Variants in PCDHGA5 observed in about 807,000 individuals in gnomAD.
PCDHGA5 encodes protocadherin gamma-A5.
PCDHGA5 carries 36 observed loss-of-function variants against 56.7 expected under a neutral mutation model. The observed-to-expected ratio is 0.64, with a 90% CI of 0.49 to 0.84. The LOEUF is 0.84. Ranked by LOEUF, PCDHGA5 falls within the 40% of genes least tolerant of loss-of-function variation. The pLI is 0.00. For missense variants in PCDHGA5, 1,305 were observed against 1,201.5 expected (o/e 1.09, Z -1.27); for synonymous variants, 563 against 520.2 (o/e 1.08, Z -1.12).
intron 1 of PCDHGA5, among the ~76,000 whole-genome samples, chr5:141,481,039 C>T (rs748434260): frequency 4.6e-5 from 7 of 152,048 alleles, no homozygotes; most frequent in Non-Finnish European, 8.8e-5. Flanking sequence ...GCCTGGGCGA[C>T]AGAGCGAGAC....
At chr5:141,419,529 A>G (rs2096395609) in intron 1 of PCDHGA5, 2 of 1,612,082 alleles carry the variant, frequency 1.2e-6, no homozygotes, top group Non-Finnish European at 1.7e-6. Context: ...GACCGTAACG[A>G]CAACGCACCG....
intron 1 of PCDHGA5, among the ~76,000 whole-genome samples, chr5:141,482,498 T>G (rs1226516612): frequency 1.5e-5 from 2 of 135,390 alleles, no homozygotes; most frequent in African/African-American, 3.0e-5. Context: ...GTTATCATTC[T>G]GGTACCCAGA....
chr5:141,374,464 T>C, intron 1 of PCDHGA5: 1 of 1,613,434 alleles, frequency 6.2e-7, no homozygotes, highest in Non-Finnish European at 8.5e-7. Flanking sequence ...TGGACATTAA[T>C]GACAATACAC....
At chr5:141,506,865 G>T (rs1403350484) in intron 3 of PCDHGA5, among the ~76,000 whole-genome samples, 1 of 152,186 alleles carries the variant, frequency 6.6e-6, no homozygotes, top group African/African-American at 2.4e-5. Flanking sequence ...GGACTGGTGG[G>T]TAGAGAACCA....
In PCDHGA5 at chr5:141,432,373, G is replaced by T; in HGVS notation, c.2422-62434G>T. ...TGAAAGTGATGGCGCGGGACAACGG[G>T]CACCCGCCCCTCAGCAGCAACGTGT... is the stretch of plus-strand genomic sequence containing the variant. On this transcript the variant is annotated intron_variant, in intron 1 of 3. Coordinates refer to ENST00000518069, the MANE Select transcript of PCDHGA5 (RefSeq NM_018918.3). This position sits in a 1 kb window ranked among gnomAD's most constrained non-coding sequence, Gnocchi z 6.0. The T allele has an allele frequency of 6.2e-7, 1 of 1,614,206 alleles. No homozygotes were observed. The highest frequency in any genetic ancestry group is 1.1e-5 in the South Asian group (1 of 91,082).
chr5:141,393,110 C>T, intron 1 of PCDHGA5: 10 of 1,613,496 alleles, frequency 6.2e-6, no homozygotes, highest in Non-Finnish European at 8.5e-6. Flanking sequence ...GCGCTCAGAG[C>T]CCGCGGTGTC....
chr5:141,400,212 C>G (rs773459521), intron 1 of PCDHGA5: 4 of 1,614,058 alleles, frequency 2.5e-6, no homozygotes, highest in Non-Finnish European at 3.4e-6. Context: ...TGGCCTTGAT[C>G]TCAGTGCTCT....
At position 141,490,788 on chromosome 5, in the gene PCDHGA5, C is replaced by G. The variant is rs2099704332; in HGVS notation, c.2422-4019C>G. ...ATGTCAACCCAGAGGATGGACGGAT[C>G]TTTGCCCAGCGTACCTTTGACTATG... On this transcript the variant is annotated intron_variant, in intron 1 of 3. Coordinates refer to ENST00000518069, the MANE Select transcript of PCDHGA5 (RefSeq NM_018918.3). The surrounding 1 kb of genome is among the most constrained non-coding windows in gnomAD (Gnocchi z 5.4). 6.2e-7 allele frequency: 1 copy of G among 1,613,918 alleles called. No homozygotes were observed. The highest frequency in any genetic ancestry group is 1.1e-5 in the South Asian group (1 of 91,084).
rs1348847945 is a variant in PCDHGA5, at chr5:141,493,426, C to G, written c.2422-1381C>G. ...TGCCTCTGCTGGGATTTTGCTTCTG[C>G]TGGGATGGGGCAAGGGTGGGGTTCC... On this transcript the variant is annotated intron_variant, in intron 1 of 3. Transcript: ENST00000518069. The surrounding 1 kb of genome is among the most constrained non-coding windows in gnomAD (Gnocchi z 4.3). Among the ~76,000 whole-genome samples, 2 of 152,144 alleles carry G rather than the reference C, an allele frequency of 1.3e-5. No homozygotes were observed. The highest frequency in any genetic ancestry group is 4.8e-5 in the African/African-American group (2 of 41,424).
intron 1 of PCDHGA5, chr5:141,383,390 C>A: frequency 6.2e-7 from 1 of 1,614,006 alleles, no homozygotes; most frequent in South Asian, 1.1e-5. Flanking sequence ...GATGTGGGCA[C>A]GAACTCCCTC....
chr5:141,494,234 A>G (rs1299510042), intron 1 of PCDHGA5, among the ~76,000 whole-genome samples: 1 of 152,138 alleles, frequency 6.6e-6, no homozygotes, highest in Non-Finnish European at 1.5e-5. Context: ...CTAAATTAAT[A>G]ATGTATTTAG....
chr5:141,408,338 G>C, intron 1 of PCDHGA5: 1 of 1,613,958 alleles, frequency 6.2e-7, no homozygotes, highest in Non-Finnish European at 8.5e-7. Context: ...CAAGGGCTCG[G>C]TGGTGGGGAA....
Position 141,491,265 on chromosome 5 carries a change from CA to C in PCDHGA5, c.2422-3539del. ...AGGATGAGGACCCTGAGGAAATGCC[CA>C]AATCCAGTGACTTCCTCATACACCC... On this transcript the variant is annotated intron_variant, in intron 1 of 3. Coordinates refer to ENST00000518069, the MANE Select transcript of PCDHGA5 (RefSeq NM_018918.3). This position sits in a 1 kb window ranked among gnomAD's most constrained non-coding sequence, Gnocchi z 6.9. 1 of 1,614,074 alleles carries C rather than the reference CA, an allele frequency of 6.2e-7. No individual in the cohort carries two copies.
rs1227250624 is a variant in PCDHGA5, at chr5:141,409,019, G to A, written c.2421+42268G>A. 4 of 1,613,996 alleles carry A rather than the reference G, an allele frequency of 2.5e-6. 1 individual carries two copies. Among genetic ancestry groups the A allele is most frequent in the Middle Eastern group, 3.3e-4 (2 of 6,062 alleles). On this transcript the variant is annotated intron_variant, in intron 1 of 3. Coordinates refer to ENST00000518069, the MANE Select transcript of PCDHGA5 (RefSeq NM_018918.3). ...GACAGCCACTGACCAGGATGAGGGG[G>A]TCAATGCTGAGATAAACTACTACTT...
In PCDHGA5 at chr5:141,432,677, C is replaced by T. The variant is rs1241190176; in HGVS notation, c.2422-62130C>T. On this transcript the variant is annotated intron_variant, in intron 1 of 3. Transcript: ENST00000518069. This position sits in a 1 kb window ranked among gnomAD's most constrained non-coding sequence, Gnocchi z 6.0. ...CCTGCTGGACAGAGACGCGCTCAAGCAGAGCCTCGTAGTGGCCGTCCAGGA... is the reference window on the plus strand; with the variant it reads ...CCTGCTGGACAGAGACGCGCTCAAGTAGAGCCTCGTAGTGGCCGTCCAGGA... The T allele has an allele frequency of 1.2e-6, 2 of 1,613,942 alleles. No individual in the cohort carries two copies. The highest frequency in any genetic ancestry group is 1.1e-5 in the South Asian group (1 of 91,076).
At chr5:141,381,974 C>T (rs1049134937) in intron 1 of PCDHGA5, among the ~76,000 whole-genome samples, 18 of 151,606 alleles carry the variant, frequency 1.2e-4, no homozygotes, top group Admixed American at 5.9e-4. Flanking sequence ...GGATTACAGG[C>T]GCGCGCCACC....
intron 1 of PCDHGA5, chr5:141,383,672 G>A: frequency 6.2e-7 from 1 of 1,614,030 alleles, no homozygotes; most frequent in Non-Finnish European, 8.5e-7. Flanking sequence ...GTGCCAGTGG[G>A]TACAAGACTG....
chr5:141,415,740 G>GTTTTTTTTTTTTTTTTTTTTTTTTTT, intron 1 of PCDHGA5: 11 of 617,992 alleles, frequency 1.8e-5, no homozygotes, highest in Middle Eastern at 5.6e-4. Context: ...GTTTATTAAG[G>GTTTTTTTTTTTTTTTTTTTTTTTTTT]TTTTTTTTTT....
At chr5:141,380,410 C>T (rs1776475585) in intron 1 of PCDHGA5, among the ~76,000 whole-genome samples, 1 of 151,998 alleles carries the variant, frequency 6.6e-6, no homozygotes, top group Non-Finnish European at 1.5e-5. Flanking sequence ...AATTCGATGC[C>T]CAGGAAGCCA....
Sources: gnomAD v4.1 joint callset for allele counts (sites outside exome capture counted in the v4.1 genomes callset) on GRCh38, gnomAD v4.1.1 for gene constraint, Gnocchi (gnomAD v3.1) non-coding constraint, MANE v1.5 for transcripts, NCBI Gene and HGNC (gene_info 2026-07-23, HGNC 2026-07-21) for gene names.